RGP1: variants seen among roughly 807,000 people sequenced by gnomAD.
RGP1 encodes RAB6A-GEF complex partner protein 2.
Under a neutral mutation model 44.5 loss-of-function variants are expected in RGP1, and 28 were observed. The ratio of observed to expected loss-of-function variants is 0.63; its 90% CI spans 0.47 to 0.86. The LOEUF is 0.86. RGP1 is among the 40% of genes least tolerant of loss of function. RGP1 has a pLI of 0.00. For synonymous variants in RGP1, 212 were observed against 196.7 expected (o/e 1.08, Z -0.65); for missense variants, 417 against 490.7 (o/e 0.85, Z 1.42).
chr9:35,749,625 T>A lies in RGP1; in HGVS notation c.-19-112T>A. On this transcript the variant is annotated intron_variant, in intron 1 of 8. Transcript: ENST00000378078. This position sits in a 1 kb window ranked among gnomAD's most constrained non-coding sequence, Gnocchi z 4.4. ...ACCCCTCCTATATCCAGGAGCTCCC[T>A]CGGGCACCACGGTGCTGACCACCCC... The A allele has an allele frequency of 3.0e-6, 2 of 671,024 alleles. No homozygotes were observed. Among genetic ancestry groups the A allele is most frequent in the Non-Finnish European group, 5.5e-6 (2 of 365,620 alleles). 41.6% of individuals were successfully genotyped at this position (671,024 alleles called of 1,614,324 possible).
rs1280383917 is a variant in RGP1, at chr9:35,754,051, G to C, written c.*1177G>C. ...TAGACTCCTGGGTGCTGGAGGAGTA[G>C]AGACATCACCAAGCAGATGATCCCC... is the stretch of plus-strand genomic sequence containing the variant. On this transcript the variant is annotated 3_prime_UTR_variant, in exon 9 of 9. Transcript: ENST00000378078. The C allele has an allele frequency of 1.2e-6, 2 of 1,613,774 alleles. No homozygotes were observed. The highest frequency in any genetic ancestry group is 1.7e-6 in the Non-Finnish European group (2 of 1,179,874).
the RGP1 span, among the ~76,000 whole-genome samples, chr9:35,789,354 A>T: frequency 7.5e-6 from 1 of 132,740 alleles, no homozygotes; most frequent in South Asian, 2.4e-4. Context: ...TTTTTTTGAG[A>T]CAGGGTCTTG....
At chr9:35,774,164 T>C in the RGP1 span, among the ~76,000 whole-genome samples, 3 of 152,226 alleles carry the variant, frequency 2.0e-5, no homozygotes, top group Non-Finnish European at 4.4e-5. Context: ...CCGGTTTTCG[T>C]TGAATGTACA....
At position 35,750,827 on chromosome 9, in the gene RGP1, A is replaced by C. The variant is rs532768887; in HGVS notation, c.338-13A>C. 3 of 1,613,804 alleles carry C rather than the reference A, an allele frequency of 1.9e-6. No homozygotes were observed. The highest frequency in any genetic ancestry group is 2.2e-5 in the East Asian group (1 of 44,870). On this transcript the variant is annotated splice_polypyrimidine_tract_variant and intron_variant, in intron 4 of 8. Transcript: ENST00000378078. The stretch of plus-strand genomic sequence containing the variant: ...GGTGCCTCTGGCTGTCCTGACAACT[A>C]CTTCCCAACCAGACTCCTACAGTGA...
the RGP1 span, among the ~76,000 whole-genome samples, chr9:35,763,588 G>A: frequency 6.6e-6 from 1 of 152,260 alleles, no homozygotes; most frequent in Admixed American, 6.5e-5. Context: ...TTGCCTGGAA[G>A]AAAACACATC....
chr9:35,769,984 T>C, the RGP1 span, among the ~76,000 whole-genome samples: 1 of 152,224 alleles, frequency 6.6e-6, no homozygotes, highest in Non-Finnish European at 1.5e-5. Context: ...AGGGACTGCT[T>C]CAGTTTCTCC....
At chr9:35,774,716 T>G in the RGP1 span, among the ~76,000 whole-genome samples, 10 of 152,022 alleles carry the variant, frequency 6.6e-5, no homozygotes, top group Admixed American at 6.5e-4. Context: ...AGAGCAAGAC[T>G]CTGTCTCAAA....
At chr9:35,766,833 T>C in the RGP1 span, among the ~76,000 whole-genome samples, 1 of 152,224 alleles carries the variant, frequency 6.6e-6, no homozygotes, top group Non-Finnish European at 1.5e-5. Flanking sequence ...TGTTCAGTAG[T>C]AAAATATATA....
the RGP1 span, among the ~76,000 whole-genome samples, chr9:35,763,811 G>T: frequency 6.9e-6 from 1 of 145,812 alleles, no homozygotes; most frequent in Non-Finnish European, 1.5e-5. Context: ...GAACCTGGGA[G>T]ATGGAGATTG....
rs61731189 is a variant in RGP1 at position 35,752,719 on chromosome 9, C to G, written c.1021C>G (p.Pro341Ala). The G allele has an allele frequency of 6.3e-5, 101 of 1,613,704 alleles. 1 individual carries two copies. Among genetic ancestry groups the G allele is most frequent in the East Asian group, 2.2e-4 (10 of 44,884 alleles). The change falls in exon 9 of 9, where the codon CCT becomes GCT. Residue 341 changes from proline to alanine, a missense_variant. Physicochemically the swap from Pro to Ala is conservative, Grantham distance 27. Coordinates refer to ENST00000378078, the MANE Select transcript of RGP1 (RefSeq NM_001080496.3). ...AGAACCAGGATTGGTACTCCTACCC[C>G]CTGTGGAACAGCCCGAACCTACCAC... is the stretch of plus-strand genomic sequence containing the variant. Reference protein sequence around the residue: ...SREPGLVLLPPVEQPEPTTWT... With the variant: ...SREPGLVLLPAVEQPEPTTWT...
chr9:35,786,626 A>G, the RGP1 span: 1 of 152,190 alleles, frequency 6.6e-6, no homozygotes, highest in Non-Finnish European at 1.5e-5. Context: ...TCTCCTGACA[A>G]TTCTTAAATT....
the RGP1 span, among the ~76,000 whole-genome samples, chr9:35,771,706 C>T: frequency 6.6e-6 from 1 of 152,254 alleles, no homozygotes; most frequent in East Asian, 1.9e-4. Context: ...TGGCTGTAAT[C>T]CAGCTGGCTG....
At position 35,753,344 on chromosome 9, in the gene RGP1, A is replaced by T; in HGVS notation, c.*470A>T. ...AAAGGCTGCCTTTATCCCTGCCCACATGTTCCCTCTCTCACAGTTTTCCCC... is the reference window on the plus strand; with the variant it reads ...AAAGGCTGCCTTTATCCCTGCCCACTTGTTCCCTCTCTCACAGTTTTCCCC... On this transcript the variant is annotated 3_prime_UTR_variant, in exon 9 of 9. Coordinates refer to ENST00000378078, the MANE Select transcript of RGP1 (RefSeq NM_001080496.3). The surrounding 1 kb of genome is among the most constrained non-coding windows in gnomAD (Gnocchi z 4.2). The T allele has an allele frequency of 6.5e-7, 1 of 1,541,120 alleles. No individual in the cohort carries two copies. Among genetic ancestry groups the T allele is most frequent in the Non-Finnish European group, 8.8e-7 (1 of 1,136,514 alleles).
chr9:35,750,815 G>T (rs932056411), intron 4 of RGP1, 25 bp from the exon 5 acceptor site: 2 of 1,613,786 alleles, frequency 1.2e-6, no homozygotes, highest in Non-Finnish European at 1.7e-6. Flanking sequence ...GCCTCTGGCT[G>T]TCCTGACAAC....
At position 35,753,278 on chromosome 9, in the gene RGP1, G is replaced by C. The variant is rs373884777; in HGVS notation, c.*404G>C. 8.1e-6 allele frequency: 13 copies of C among 1,613,214 alleles called. No individual in the cohort carries two copies. Among genetic ancestry groups the C allele is most frequent in the African/African-American group, 4.0e-5 (3 of 74,898 alleles). ...AGCCGGGAAGTCGATGGGATGCTGG[G>C]ACCTGGGGAACCAAGGATAGGGGAA... On this transcript the variant is annotated 3_prime_UTR_variant, in exon 9 of 9. Transcript: ENST00000378078. The surrounding 1 kb of genome is among the most constrained non-coding windows in gnomAD (Gnocchi z 4.2).
chr9:35,785,674 G>A, the RGP1 span, among the ~76,000 whole-genome samples: 1 of 152,102 alleles, frequency 6.6e-6, no homozygotes, highest in Admixed American at 6.5e-5. Context: ...GCTACTCTGG[G>A]CTCCATCCCA....
rs374629923 is a variant in RGP1, at chr9:35,749,813, C to G, written c.58C>G (p.Leu20Val). Residue 20 changes from leucine (L) to valine (V), a missense_variant, in exon 2 of 9, where the codon CTG becomes GTG. Transcript: ENST00000378078. The surrounding 1 kb of genome is among the most constrained non-coding windows in gnomAD (Gnocchi z 4.4). Reference protein sequence around the residue: ...RGPVFLAGEALECVVTVTNPL... With the variant: ...RGPVFLAGEAVECVVTVTNPL... ...TCCTGTATTTTTGGCTGGGGAGGCG[C>G]TGGAGTGTGTAGTGACCGTCACCAA... The G allele has an allele frequency of 6.2e-7, 1 of 1,613,990 alleles. No individual in the cohort carries two copies. The highest frequency in any genetic ancestry group is 1.1e-5 in the South Asian group (1 of 91,080).
the RGP1 span, chr9:35,786,514 G>A: frequency 6.6e-6 from 1 of 152,172 alleles, no homozygotes. Context: ...GGCCTTCCTG[G>A]GCACTCACAG....
At chr9:35,786,877 C>A in the RGP1 span, 1 of 151,718 alleles carries the variant, frequency 6.6e-6, no homozygotes, top group Middle Eastern at 3.1e-3. Flanking sequence ...GGGCAGATCA[C>A]GAGGTCAGGA....
Sources: gnomAD v4.1 joint callset for allele counts (sites outside exome capture counted in the v4.1 genomes callset) on GRCh38, gnomAD v4.1.1 for gene constraint, Gnocchi (gnomAD v3.1) non-coding constraint, MANE v1.5 for transcripts, NCBI Gene and HGNC (gene_info 2026-07-23, HGNC 2026-07-21) for gene names.